The following STXBP5L variants were observed in gnomAD, a reference collection of about 807,000 sequenced individuals.
The protein encoded by STXBP5L is syntaxin-binding protein 5-like.
STXBP5L carries 65 observed loss-of-function variants against 144.5 expected under a neutral mutation model. The observed-to-expected ratio is 0.45, with a 90% CI of 0.37 to 0.55. The LOEUF (loss-of-function observed/expected upper bound fraction) is 0.55, where lower values mean the gene tolerates loss of function less well. Among genes scored for constraint, STXBP5L ranks in the 20% least tolerant of loss-of-function variants. The pLI is 0.00. For synonymous variants in STXBP5L, 505 were observed against 469.6 expected (o/e 1.08, Z -0.97); for missense variants, 1,298 against 1,405.5 (o/e 0.92, Z 1.22).
intron 7 of STXBP5L, among the ~76,000 whole-genome samples, chr3:121,144,159 T>C (rs2045626571): frequency 7.1e-6 from 1 of 141,018 alleles, no homozygotes; most frequent in African/African-American, 2.7e-5. Context: ...AAAAAAAAAA[T>C]CTAGTAACCC....
At chr3:121,002,159 T>C (rs1048602688) in intron 3 of STXBP5L, among the ~76,000 whole-genome samples, 1 of 152,200 alleles carries the variant, frequency 6.6e-6, no homozygotes, top group African/African-American at 2.4e-5. Flanking sequence ...TACCAATTTA[T>C]GTTTTTCACT....
At chr3:121,304,098 G>A (rs910393672) in intron 19 of STXBP5L, among the ~76,000 whole-genome samples, 1 of 151,748 alleles carries the variant, frequency 6.6e-6, no homozygotes, top group Non-Finnish European at 1.5e-5. Flanking sequence ...CAAAAAAGCT[G>A]ATATGGCTAT....
At chr3:121,414,018 T>C (rs1391918160) in intron 24 of STXBP5L, among the ~76,000 whole-genome samples, 1 of 152,158 alleles carries the variant, frequency 6.6e-6, no homozygotes, top group Non-Finnish European at 1.5e-5. Context: ...TACACTCTAC[T>C]TTGGAGCATT....
chr3:121,029,753 A>G (rs1299645198), intron 3 of STXBP5L, among the ~76,000 whole-genome samples: 1 of 152,140 alleles, frequency 6.6e-6, no homozygotes, highest in Non-Finnish European at 1.5e-5. Context: ...TAAGCTACAG[A>G]ATGGGAGAAT....
chr3:121,321,949 ACCCCGG>A (rs750252268), intron 20 of STXBP5L, among the ~76,000 whole-genome samples: 2 of 152,000 alleles, frequency 1.3e-5, no homozygotes, highest in Non-Finnish European at 2.9e-5. Flanking sequence ...TCTTCCCATC[ACCCCGG>A]CAGTGAGCAT....
At chr3:121,179,284 A>G (rs1001398088) in intron 9 of STXBP5L, among the ~76,000 whole-genome samples, 1 of 152,176 alleles carries the variant, frequency 6.6e-6, no homozygotes, top group Non-Finnish European at 1.5e-5. Context: ...CATCAGGAAA[A>G]GCCAGTGCAC....
intron 3 of STXBP5L, among the ~76,000 whole-genome samples, chr3:121,041,449 T>C (rs1316719124): frequency 6.6e-6 from 1 of 152,116 alleles, no homozygotes; most frequent in Non-Finnish European, 1.5e-5. Flanking sequence ...TCCCAATTCT[T>C]GTTTAACTTC....
At chr3:121,136,618 C>T (rs569329721) in intron 7 of STXBP5L, among the ~76,000 whole-genome samples, 14 of 152,154 alleles carry the variant, frequency 9.2e-5, no homozygotes, top group African/African-American at 2.9e-4. Flanking sequence ...AACACTTGTA[C>T]ACTGCTGGTG....
At chr3:120,998,392 T>A (rs879930473) in intron 3 of STXBP5L, among the ~76,000 whole-genome samples, 2 of 152,108 alleles carry the variant, frequency 1.3e-5, no homozygotes, top group Non-Finnish European at 2.9e-5. Flanking sequence ...AGTTTTTTTT[T>A]AATATTATAC....
rs769565129 is a variant in STXBP5L at position 121,239,101 on chromosome 3, CA to C, written c.1317del (p.Gly440AspfsTer34). ...TTCTATAGGAGTCAAGCATAAAAAA[CA>C]AGGATACAGTAATAAGGTAAAAGTA... Reference protein sequence around the residue: ...LYSIGVKHKKQGYSNKEWPIS... With the variant: ...LYSIGVKHKKXGYSNKEWPIS... On this transcript the variant is annotated frameshift_variant, in exon 13 of 27. Coordinates refer to ENST00000471454, the MANE Select transcript of STXBP5L (RefSeq NM_001308330.2). LOFTEE classifies it high-confidence loss of function. The C allele has an allele frequency of 6.4e-7, 1 of 1,573,756 alleles. No individual in the cohort carries two copies. The highest frequency in any genetic ancestry group is 8.6e-7 in the Non-Finnish European group (1 of 1,158,956).
chr3:121,388,294 T>C (rs1576336475), intron 22 of STXBP5L, among the ~76,000 whole-genome samples: 1 of 152,254 alleles, frequency 6.6e-6, no homozygotes, highest in East Asian at 1.9e-4. Flanking sequence ...AAGGAGATTT[T>C]GGGCTGAGAC....
chr3:121,278,430 T>C (rs1391593141), intron 18 of STXBP5L, among the ~76,000 whole-genome samples: 1 of 151,996 alleles, frequency 6.6e-6, no homozygotes, highest in East Asian at 1.9e-4. Context: ...TAATTATTTA[T>C]GGTATATAGA....
At chr3:121,055,561 A>G (rs1948396830) in intron 5 of STXBP5L, among the ~76,000 whole-genome samples, 1 of 152,010 alleles carries the variant, frequency 6.6e-6, no homozygotes, top group South Asian at 2.1e-4. Context: ...CCCAGGCTGG[A>G]GTGCAATGGT....
At chr3:120,994,542 T>C (rs1379307345) in intron 3 of STXBP5L, among the ~76,000 whole-genome samples, 3 of 152,154 alleles carry the variant, frequency 2.0e-5, no homozygotes, top group Admixed American at 6.6e-5. Context: ...TCTGTTTAGA[T>C]GATCATATGA....
intron 8 of STXBP5L, among the ~76,000 whole-genome samples, chr3:121,157,150 C>G (rs998214898): frequency 8.5e-5 from 13 of 152,206 alleles, no homozygotes; most frequent in Middle Eastern, 3.4e-3. Flanking sequence ...GTGACTTGAG[C>G]AAGTATCTCA....
At chr3:121,222,190 A>G (rs1230486028) in intron 10 of STXBP5L, among the ~76,000 whole-genome samples, 2 of 152,132 alleles carry the variant, frequency 1.3e-5, no homozygotes, top group African/African-American at 2.4e-5. Flanking sequence ...TCTTTTGTAC[A>G]CATACACTAG....
chr3:121,139,098 A>G (rs2045384745), intron 7 of STXBP5L, among the ~76,000 whole-genome samples: 1 of 151,968 alleles, frequency 6.6e-6, no homozygotes, highest in East Asian at 1.9e-4. Context: ...AGTCAAGGAG[A>G]AGAAAGGGAG....
intron 2 of STXBP5L, among the ~76,000 whole-genome samples, chr3:120,948,967 C>T (rs1191840585): frequency 6.6e-6 from 1 of 151,774 alleles, no homozygotes; most frequent in Non-Finnish European, 1.5e-5. Flanking sequence ...ACTTTTAGCT[C>T]TTTAAGGAAT....
chr3:121,176,465 T>A, intron 9 of STXBP5L, among the ~76,000 whole-genome samples: 1 of 57,810 alleles, frequency 1.7e-5, no homozygotes, highest in African/African-American at 6.7e-5. Flanking sequence ...AAGGTTAAAA[T>A]CAATAAACAT....
Sources: gnomAD v4.1 joint callset for allele counts (sites outside exome capture counted in the v4.1 genomes callset) on GRCh38, gnomAD v4.1.1 for gene constraint, MANE v1.5 for transcripts, NCBI Gene and HGNC (gene_info 2026-07-23, HGNC 2026-07-21) for gene names.